LRRK2: variants seen among roughly 807,000 people sequenced by gnomAD.
LRRK2 encodes leucine-rich repeat serine/threonine-protein kinase 2.
In LRRK2, 203 loss-of-function variants were observed where a neutral mutation model predicts 302.6. That is an observed-to-expected ratio of 0.67 (90% confidence interval 0.60 to 0.75). The LOEUF (loss-of-function observed/expected upper bound fraction) is 0.75. Among genes scored for constraint, LRRK2 ranks in the 30% least tolerant of loss-of-function variants. LRRK2 has a pLI of 0.00. For missense variants in LRRK2, 2,830 were observed against 2,951.0 expected (o/e 0.96, Z 0.95); for synonymous variants, 1,066 against 1,031.9 (o/e 1.03, Z -0.63).
chr12:40,315,111 C>A (rs565244959), intron 32 of LRRK2, 101 bp from the exon 33 acceptor site: 8 of 952,214 alleles, frequency 8.4e-6, no homozygotes, highest in Non-Finnish European at 1.2e-5. Context: ...GCTGAAATTT[C>A]TTCACCTGCA....
chr12:40,328,764 C>T (rs957025738), intron 39 of LRRK2, among the ~76,000 whole-genome samples: 1 of 152,084 alleles, frequency 6.6e-6, no homozygotes, highest in African/African-American at 2.4e-5. Context: ...AAATGTGCTC[C>T]ATGGACAAGC....
intron 39 of LRRK2, among the ~76,000 whole-genome samples, chr12:40,331,514 G>C (rs1235337848): frequency 6.6e-6 from 1 of 152,000 alleles, no homozygotes; most frequent in Non-Finnish European, 1.5e-5. Flanking sequence ...TGGCTTCCCT[G>C]GGCCGTATTG....
intron 5 of LRRK2, among the ~76,000 whole-genome samples, chr12:40,240,079 G>A (rs1033132739): frequency 2.0e-5 from 3 of 152,088 alleles, no homozygotes; most frequent in Admixed American, 6.6e-5. Context: ...ACATTTAGCC[G>A]AGCTGCCCTT....
At chr12:40,329,669 G>A (rs207472853) in intron 39 of LRRK2, among the ~76,000 whole-genome samples, 2 of 151,900 alleles carry the variant, frequency 1.3e-5, no homozygotes, top group Admixed American at 1.3e-4. Context: ...ATTCTCTATT[G>A]TTATGTATTT....
At chr12:40,328,922 C>T (rs11564267) in intron 39 of LRRK2, among the ~76,000 whole-genome samples, 22,900 of 152,182 alleles carry the variant, frequency 0.15, 1,911 homozygotes, top group African/African-American at 0.21. Flanking sequence ...CTCCTGACTT[C>T]GCCTTCTGTT....
intron 41 of LRRK2, among the ~76,000 whole-genome samples, chr12:40,341,580 C>A (rs563217904): frequency 6.6e-6 from 1 of 152,018 alleles, no homozygotes; most frequent in Non-Finnish European, 1.5e-5. Context: ...TTTTTGAGTA[C>A]CTGCTGTGCG....
In LRRK2 at chr12:40,308,554, C is replaced by T. The variant is rs906455339; in HGVS notation, c.4047C>T (p.Thr1349=). Residue 1349 remains threonine (T), a synonymous_variant, in exon 29 of 51, where the codon ACC becomes ACT. Transcript: ENST00000298910. Reference sequence around the variant, plus strand: ...GAAATACTGGGAGTGGTAAAACCACCTTATTGCAGCAATTAATGAAAACCA... The same window carrying T: ...GAAATACTGGGAGTGGTAAAACCACTTTATTGCAGCAATTAATGAAAACCA... ...IVGNTGSGKT[T]LLQQLMKTKK... is the part of the protein sequence containing the mutation. The T allele has an allele frequency of 1.2e-6, 2 of 1,613,982 alleles. No individual in the cohort carries two copies. Among genetic ancestry groups the T allele is most frequent in the Non-Finnish European group, 1.7e-6 (2 of 1,179,950 alleles).
chr12:40,307,466 C>G (rs1944864705), intron 28 of LRRK2, among the ~76,000 whole-genome samples: 1 of 152,004 alleles, frequency 6.6e-6, no homozygotes, highest in Non-Finnish European at 1.5e-5. Context: ...CTATTTCATT[C>G]AGGTTTTACA....
intron 35 of LRRK2, among the ~76,000 whole-genome samples, 155 bp from the exon 36 acceptor site, chr12:40,321,880 T>C (rs1945412150): frequency 6.6e-6 from 1 of 152,056 alleles, no homozygotes; most frequent in African/African-American, 2.4e-5. Context: ...GTGGATAAAA[T>C]ATTTAATAGA....
At chr12:40,329,622 A>T (rs1945653036) in intron 39 of LRRK2, among the ~76,000 whole-genome samples, 1 of 152,168 alleles carries the variant, frequency 6.6e-6, no homozygotes, top group Non-Finnish European at 1.5e-5. Flanking sequence ...TCTTTTACTA[A>T]TAGAATAGTA....
chr12:40,289,573 A>G (rs890510796), intron 20 of LRRK2, among the ~76,000 whole-genome samples: 2 of 149,468 alleles, frequency 1.3e-5, no homozygotes, highest in Admixed American at 1.3e-4. Flanking sequence ...TTATATCTAT[A>G]AATTAATTTG....
Position 40,328,464 on chromosome 12 carries a change from A to G in LRRK2, c.5757+4A>G, listed in dbSNP as rs1298547311. The G allele has an allele frequency of 5.7e-6, 9 of 1,573,878 alleles. No individual in the cohort carries two copies. The highest frequency in any genetic ancestry group is 7.0e-6 in the Non-Finnish European group (8 of 1,145,514). ...ATCACTCAGGCTGTTAAGACAAGTA[A>G]GAAATTCAATAATATAATTATATTA... On this transcript the variant is annotated splice_donor_region_variant and intron_variant, in intron 39 of 50. Transcript: ENST00000298910.
At chr12:40,246,391 T>G (rs1941984738) in intron 7 of LRRK2, among the ~76,000 whole-genome samples, 1 of 152,108 alleles carries the variant, frequency 6.6e-6, no homozygotes, top group African/African-American at 2.4e-5. Context: ...AAAAATCTTC[T>G]CTGTTTATTT....
intron 14 of LRRK2, among the ~76,000 whole-genome samples, chr12:40,264,955 A>G (rs974203442): frequency 1.3e-5 from 2 of 152,226 alleles, no homozygotes; most frequent in Non-Finnish European, 2.9e-5. Context: ...ATTTTTATAA[A>G]AGGAGGAGCC....
Position 40,323,246 on chromosome 12 carries a change from A to G in LRRK2, c.5596A>G (p.Arg1866Gly), listed in dbSNP as rs1216187765. Residue 1866 changes from arginine to glycine, a missense_variant, in exon 38 of 51, where the codon AGA becomes GGA. Arg to Gly is a moderately radical substitution (Grantham distance 125). Around this residue, in one of 3 missense-constraint regions of LRRK2, gnomAD observed 253 missense variants for 346.7 expected, o/e 0.73. Transcript: ENST00000298910. ...TGACTTGATTTTGGCTGACCTGCCT[A>G]GAAATATTATGTTGAATAATGATGA... ...APDLILADLPRNIMLNNDELE... is the reference protein window; with the variant it reads ...APDLILADLPGNIMLNNDELE... 6.2e-7 allele frequency: 1 copy of G among 1,613,370 alleles called. No homozygotes were observed. The highest frequency in any genetic ancestry group is 1.1e-5 in the South Asian group (1 of 91,022).
intron 46 of LRRK2, 69 bp downstream of exon 46, chr12:40,356,256 C>T (rs1467391846): frequency 5.6e-6 from 6 of 1,080,082 alleles, no homozygotes; most frequent in Non-Finnish European, 8.2e-6. Context: ...TCTCACACCC[C>T]TCTTATGGGA....
chr12:40,292,925 T>C (rs908154533), intron 20 of LRRK2, among the ~76,000 whole-genome samples: 2 of 152,068 alleles, frequency 1.3e-5, no homozygotes, highest in Non-Finnish European at 2.9e-5. Flanking sequence ...TTTATTTTAA[T>C]ACCATTCCAT....
intron 10 of LRRK2, among the ~76,000 whole-genome samples, 163 bp downstream of exon 10, chr12:40,251,707 C>A (rs916785418): frequency 6.6e-6 from 1 of 152,144 alleles, no homozygotes; most frequent in Non-Finnish European, 1.5e-5. Flanking sequence ...GTATTTTGAT[C>A]TCATCACCTT....
intron 14 of LRRK2, among the ~76,000 whole-genome samples, chr12:40,265,967 G>A (rs1314748918): frequency 6.6e-6 from 1 of 152,144 alleles, no homozygotes; most frequent in Admixed American, 6.5e-5. Context: ...AGCTGAAACT[G>A]GATCCCTTCC....
Sources: gnomAD v4.1 joint callset for allele counts (sites outside exome capture counted in the v4.1 genomes callset) on GRCh38, gnomAD v4.1.1 for gene constraint, gnomAD v4.1.1 regional missense constraint, MANE v1.5 for transcripts, NCBI Gene and HGNC (gene_info 2026-07-23, HGNC 2026-07-21) for gene names.